KANK1: variants seen among roughly 807,000 people sequenced by gnomAD.
The protein encoded by KANK1 is KN motif and ankyrin repeat domain-containing protein 1.
Under a neutral mutation model 106.2 loss-of-function variants are expected in KANK1, and 109 were observed. The observed-to-expected ratio is 1.03, with a 90% CI of 0.88 to 1.20. KANK1 has a LOEUF of 1.20. Ranked by LOEUF, KANK1 falls within the 50% of genes most tolerant of loss-of-function variation. The pLI is 0.00. For synonymous variants in KANK1, 873 were observed against 652.2 expected (o/e 1.34, Z -5.16); for missense variants, 2,399 against 1,710.7 (o/e 1.40, Z -7.10).
intron 1 of KANK1, among the ~76,000 whole-genome samples, chr9:510,846 T>G (rs1374154155): frequency 6.6e-6 from 1 of 152,188 alleles, no homozygotes. Context: ...TAATTATAGA[T>G]CTTAACTCCT....
At position 566,080 on chromosome 9, in the gene KANK1, T is replaced by C. The variant is rs564100792; in HGVS notation, c.-84+61326T>C. 8.5e-5 allele frequency among the ~76,000 whole-genome samples: 13 copies of C among 152,350 alleles called. No individual in the cohort carries two copies. In the South Asian group the frequency reaches 2.7e-3, roughly 32 times the overall value. On this transcript the variant is annotated intron_variant, in intron 1 of 11. Coordinates refer to ENST00000382297, the MANE Select transcript of KANK1 (RefSeq NM_015158.5). The stretch of plus-strand genomic sequence containing the variant: ...TCCTCTATGTGCCCATGTGTTCTCA[T>C]CATTTAGCTCCCATTTATAAGTGAC...
At chr9:639,404 C>G (rs925505748) in intron 1 of KANK1, among the ~76,000 whole-genome samples, 1 of 152,168 alleles carries the variant, frequency 6.6e-6, no homozygotes, top group Admixed American at 6.5e-5. Flanking sequence ...GCAACCTCCT[C>G]CTCCCTGGCT....
At chr9:676,823 A>C in intron 1 of KANK1, 67 bp from the exon 2 acceptor site, 1 of 596,964 alleles carries the variant, frequency 1.7e-6, no homozygotes, top group Non-Finnish European at 2.9e-6. Context: ...TGTAAACAGA[A>C]GTCTAAGATT....
At chr9:696,681 GAA>G (rs1170134833) in intron 2 of KANK1, among the ~76,000 whole-genome samples, 2 of 152,156 alleles carry the variant, frequency 1.3e-5, no homozygotes, top group African/African-American at 4.8e-5. Flanking sequence ...TCGTGCCACA[GAA>G]AAGAGCTTTT....
At chr9:653,336 T>C (rs1370720062) in intron 1 of KANK1, among the ~76,000 whole-genome samples, 1 of 152,088 alleles carries the variant, frequency 6.6e-6, no homozygotes, top group African/African-American at 2.4e-5. Context: ...TTTGCTTGTC[T>C]CCAAGCTCTG....
chr9:662,599 A>G (rs12337122), intron 1 of KANK1, among the ~76,000 whole-genome samples: 178 of 152,264 alleles, frequency 1.2e-3, no homozygotes, highest in African/African-American at 4.2e-3. Flanking sequence ...TGGGGCTGGG[A>G]AAACTGGCTA....
At chr9:675,971 G>A (rs1249262784) in intron 1 of KANK1, among the ~76,000 whole-genome samples, 1 of 152,170 alleles carries the variant, frequency 6.6e-6, no homozygotes, top group Non-Finnish European at 1.5e-5. Flanking sequence ...ACATTGCCAT[G>A]GCATTTGTAA....
intron 3 of KANK1, among the ~76,000 whole-genome samples, chr9:484,844 C>A (rs1275174622): frequency 6.6e-6 from 1 of 152,062 alleles, no homozygotes; most frequent in Non-Finnish European, 1.5e-5. Context: ...GGGATAGTTA[C>A]TCTCAGTGTT....
At chr9:532,091 C>T (rs2060082257) in intron 1 of KANK1, among the ~76,000 whole-genome samples, 2 of 152,180 alleles carry the variant, frequency 1.3e-5, no homozygotes, top group African/African-American at 2.4e-5. Context: ...GTCTGTGGGC[C>T]ACTCTGAGCC....
At chr9:475,211 G>C (rs1321835047) in intron 3 of KANK1, among the ~76,000 whole-genome samples, 1 of 152,156 alleles carries the variant, frequency 6.6e-6, no homozygotes, top group Non-Finnish European at 1.5e-5. Flanking sequence ...CCTTCCTGTA[G>C]GAATGCTACG....
chr9:527,451 G>A (rs527428156), intron 1 of KANK1, among the ~76,000 whole-genome samples: 4 of 151,742 alleles, frequency 2.6e-5, no homozygotes, highest in South Asian at 2.1e-4. Context: ...ACAGGCAGGC[G>A]CCAACACACC....
At chr9:594,507 T>C (rs1344653197) in intron 1 of KANK1, among the ~76,000 whole-genome samples, 2 of 151,900 alleles carry the variant, frequency 1.3e-5, no homozygotes, top group East Asian at 1.9e-4. Context: ...CACCTTAACA[T>C]AGAGTTCTCA....
chr9:732,537 T>C lies in KANK1; in HGVS notation c.3165T>C (p.Ile1055=). Residue 1055 remains isoleucine (I), a synonymous_variant, in exon 6 of 12, where the codon ATT becomes ATC. Transcript: ENST00000382297. ...CAGAAGGGCACCATGCAGTTAATAT[T>C]GAAGGTTTGAAGTCTGCCAGGGTGG... is the stretch of plus-strand genomic sequence containing the variant. ...GMAEGHHAVN[I]EGLKSARVED... The C allele has an allele frequency of 1.9e-6, 3 of 1,614,102 alleles. No individual in the cohort carries two copies. Among genetic ancestry groups the C allele is most frequent in the African/African-American group, 2.7e-5 (2 of 75,010 alleles).
intron 1 of KANK1, among the ~76,000 whole-genome samples, chr9:628,606 A>G (rs1332387026): frequency 1.3e-5 from 2 of 152,190 alleles, no homozygotes; most frequent in African/African-American, 4.8e-5. Context: ...TGGTGAGTTC[A>G]GAATGCAAAT....
intron 2 of KANK1, among the ~76,000 whole-genome samples, chr9:679,546 C>T (rs2138994830): frequency 6.6e-6 from 1 of 152,262 alleles, no homozygotes; most frequent in East Asian, 1.9e-4. Flanking sequence ...TCCCACGCAG[C>T]TGGGATTACA....
intron 3 of KANK1, among the ~76,000 whole-genome samples, chr9:491,526 C>A (rs1160416630): frequency 6.6e-6 from 1 of 152,082 alleles, no homozygotes; most frequent in Non-Finnish European, 1.5e-5. Context: ...CTCGGCCCCC[C>A]AAAGTGCTGG....
chr9:740,829 C>A lies in KANK1; in HGVS notation c.3591C>A (p.Tyr1197Ter). 1 of 1,613,190 alleles carries A rather than the reference C, an allele frequency of 6.2e-7. No homozygotes were observed. The highest frequency in any genetic ancestry group is 8.5e-7 in the Non-Finnish European group (1 of 1,179,732). ...CNVDHQNKAGYTPIMLAALAA... is the reference protein window; with the variant it reads ...CNVDHQNKAG The stretch of plus-strand genomic sequence containing the variant: ...TGGATCACCAGAACAAGGCAGGCTA[C>A]ACCCCCATCATGTTGGCGGCCCTCG... The change falls in exon 9 of 12, where the codon TAC becomes TAA. Residue 1197 changes from tyrosine (Y) to a stop codon, truncating the protein, a stop_gained. Transcript: ENST00000382297. LOFTEE classifies it high-confidence loss of function.
chr9:712,611 C>CCTCAAGACA lies in KANK1; in HGVS notation c.1846_1854dup (p.Leu616_Thr618dup). 6.2e-7 allele frequency: 1 copy of CCTCAAGACA among 1,614,176 alleles called. No individual in the cohort carries two copies. Among genetic ancestry groups the CCTCAAGACA allele is most frequent in the African/African-American group, 1.3e-5 (1 of 75,058 alleles). On this transcript the variant is annotated inframe_insertion, in exon 3 of 12. Coordinates refer to ENST00000382297, the MANE Select transcript of KANK1 (RefSeq NM_015158.5). ...AGGAGTCTGTGAACGACCTCACACTCCTCAAGACAAACTTGAATCTCAAAG... is the reference window on the plus strand; with the variant it reads ...AGGAGTCTGTGAACGACCTCACACTCCTCAAGACACTCAAGACAAACTTGAATCTCAAAG...
intron 3 of KANK1, among the ~76,000 whole-genome samples, chr9:479,824 G>A (rs1289499554): frequency 6.6e-6 from 1 of 152,098 alleles, no homozygotes; most frequent in Non-Finnish European, 1.5e-5. Flanking sequence ...TGGCAATATT[G>A]TTTTCAGAAG....
Sources: gnomAD v4.1 joint callset for allele counts (sites outside exome capture counted in the v4.1 genomes callset) on GRCh38, gnomAD v4.1.1 for gene constraint, MANE v1.5 for transcripts, NCBI Gene and HGNC (gene_info 2026-07-23, HGNC 2026-07-21) for gene names.